Variants in ZEB2 observed in about 807,000 individuals in gnomAD.
The protein encoded by ZEB2 is zinc finger E-box binding homeobox 2.
Under a neutral mutation model 99.9 loss-of-function variants are expected in ZEB2, and 6 were observed. The observed-to-expected ratio is 0.06, with a 90% CI of 0.03 to 0.12. The LOEUF is 0.12. Ranked by LOEUF, ZEB2 falls within the 10% of genes least tolerant of loss-of-function variation. ZEB2 has a pLI of 1.00. For synonymous variants in ZEB2, 517 were observed against 542.5 expected, an observed-to-expected ratio of 0.95 and a Z score of 0.65; for missense variants, 969 against 1,502.8, an observed-to-expected ratio of 0.64 and a Z score of 5.87.
At chr2:144,493,886 C>T (rs1013873953) in intron 2 of ZEB2, among the ~76,000 whole-genome samples, 1 of 152,132 alleles carries the variant, frequency 6.6e-6, no homozygotes, top group African/African-American at 2.4e-5. Context: ...GGCGCAGTGG[C>T]TCACGCCTGT....
At chr2:144,418,706 CAA>C (rs61255327) in intron 4 of ZEB2, among the ~76,000 whole-genome samples, 12 of 148,448 alleles carry the variant, frequency 8.1e-5, no homozygotes, top group African/African-American at 3.0e-4. Flanking sequence ...AACAAACAAA[CAA>C]AAAAAAAAAA....
chr2:144,455,803 CG>C (rs1404399287), intron 2 of ZEB2, among the ~76,000 whole-genome samples: 1 of 152,016 alleles, frequency 6.6e-6, no homozygotes, highest in East Asian at 1.9e-4. Flanking sequence ...AGTACAGGAT[CG>C]TTGGAAATGG....
At chr2:144,503,710 T>G (rs1704907281) in intron 2 of ZEB2, 1 of 151,896 alleles carries the variant, frequency 6.6e-6, no homozygotes, top group Non-Finnish European at 1.5e-5. Context: ...ATTATACAAG[T>G]TTTGCAATCA....
intron 2 of ZEB2, among the ~76,000 whole-genome samples, chr2:144,497,036 C>G (rs192022077): frequency 1.8e-4 from 28 of 152,326 alleles, no homozygotes; most frequent in African/African-American, 4.3e-4. Flanking sequence ...GTGTTTCAGA[C>G]ATCTCAGTTG....
chr2:144,503,185 C>G (rs1448392058), intron 2 of ZEB2, among the ~76,000 whole-genome samples: 4 of 152,164 alleles, frequency 2.6e-5, no homozygotes, highest in African/African-American at 9.7e-5. Context: ...GTTGGCTACA[C>G]AGAAACTGGA....
intron 2 of ZEB2, among the ~76,000 whole-genome samples, chr2:144,460,122 T>C (rs952345115): frequency 6.6e-6 from 1 of 152,180 alleles, no homozygotes; most frequent in Non-Finnish European, 1.5e-5. Context: ...CTGAATGCAA[T>C]TCTGGCTTTG....
At chr2:144,400,680 G>C (rs1033386689) in intron 7 of ZEB2, among the ~76,000 whole-genome samples, 2 of 152,140 alleles carry the variant, frequency 1.3e-5, no homozygotes, top group African/African-American at 4.8e-5. Context: ...CTAGTCCTTT[G>C]AATAGCATCC....
At chr2:144,519,444 T>TATCATTAAAAAAC in intron 1 of ZEB2, 2 of 153,676 alleles carry the variant, frequency 1.3e-5, no homozygotes, top group South Asian at 2.0e-4. Context: ...AACTGCCATG[T>TATCATTAAAAAAC]CTAAGAGAAA....
chr2:144,492,940 G>T (rs184997705), intron 2 of ZEB2, among the ~76,000 whole-genome samples: 2 of 152,286 alleles, frequency 1.3e-5, no homozygotes, highest in African/African-American at 4.8e-5. Flanking sequence ...GGGCAAGACT[G>T]CCCTCAAGCC....
At chr2:144,499,518 G>T (rs1172856279) in intron 2 of ZEB2, among the ~76,000 whole-genome samples, 1 of 152,164 alleles carries the variant, frequency 6.6e-6, no homozygotes, top group East Asian at 1.9e-4. Context: ...TTGAAAAACA[G>T]TTAATTTCTG....
intron 4 of ZEB2, among the ~76,000 whole-genome samples, chr2:144,420,347 G>A (rs1289112093): frequency 3.3e-5 from 5 of 152,000 alleles, no homozygotes; most frequent in Non-Finnish European, 5.9e-5. Context: ...CTCCAGCCTC[G>A]ACCTCCTGAG....
At chr2:144,433,848 G>A (rs1703804215) in intron 2 of ZEB2, among the ~76,000 whole-genome samples, 2 of 152,122 alleles carry the variant, frequency 1.3e-5, no homozygotes, top group Admixed American at 6.6e-5. Context: ...CTGGTGACAT[G>A]TAATAGAATA....
rs192515251 is a variant in ZEB2, at chr2:144,385,329, G to A, written c.*4122C>T. 1 of 151,736 alleles carries A rather than the reference G, an allele frequency of 6.6e-6. No homozygotes were observed. The highest frequency in any genetic ancestry group is 2.4e-5 in the African/African-American group (1 of 41,084). 9.4% of individuals were successfully genotyped at this position (151,736 alleles called of 1,614,324 possible). A position where few individuals can be genotyped will look rare whatever the true frequency, so the allele number is the denominator to read the frequency against. On this transcript the variant is annotated 3_prime_UTR_variant, in exon 10 of 10. Coordinates refer to ENST00000627532, the MANE Select transcript of ZEB2 (RefSeq NM_014795.4). ...TTGAATACAGAATAGTTGAGTTACA[G>A]TTAAGAAGGGAGCCATAACCTCAGC...
chr2:144,407,341 T>G (rs977413082), intron 4 of ZEB2, among the ~76,000 whole-genome samples: 1 of 152,246 alleles, frequency 6.6e-6, no homozygotes, highest in Non-Finnish European at 1.5e-5. Context: ...AAATCTGTTA[T>G]TAGCTGGACT....
At chr2:144,447,843 A>G (rs1413120440) in intron 2 of ZEB2, among the ~76,000 whole-genome samples, 1 of 152,210 alleles carries the variant, frequency 6.6e-6, no homozygotes, top group Non-Finnish European at 1.5e-5. Context: ...CTCCTGCCTG[A>G]TAGACATTTT....
chr2:144,465,408 T>C (rs1000248831), intron 2 of ZEB2, among the ~76,000 whole-genome samples: 3 of 152,202 alleles, frequency 2.0e-5, no homozygotes, highest in Admixed American at 2.0e-4. Context: ...TCTGCAATTC[T>C]AGAGATCTTG....
intron 2 of ZEB2, among the ~76,000 whole-genome samples, chr2:144,443,034 T>A (rs530858046): frequency 6.6e-6 from 1 of 152,152 alleles, no homozygotes; most frequent in Non-Finnish European, 1.5e-5. Context: ...CAGTCCCTTA[T>A]CAATGTAGAT....
At chr2:144,488,261 C>G (rs1276020991) in intron 2 of ZEB2, among the ~76,000 whole-genome samples, 1 of 152,298 alleles carries the variant, frequency 6.6e-6, no homozygotes, top group African/African-American at 2.4e-5. Flanking sequence ...AGACCCTAGG[C>G]ACCTTAGGCT....
intron 2 of ZEB2, chr2:144,512,661 G>A (rs1248093644): frequency 7.8e-7 from 1 of 1,287,046 alleles, no homozygotes; most frequent in Non-Finnish European, 1.0e-6. Flanking sequence ...AGTCCTGGTG[G>A]ACTGTCACTC....
Sources: allele counts gnomAD v4.1 joint callset (sites outside exome capture counted in the v4.1 genomes callset), GRCh38; gene constraint gnomAD v4.1.1; transcripts MANE v1.5; gene names NCBI Gene and HGNC (gene_info 2026-07-23, HGNC 2026-07-21).